GALNT14: variants seen among roughly 807,000 people sequenced by gnomAD.
The protein encoded by GALNT14 is polypeptide N-acetylgalactosaminyltransferase 14, also known as UDP-GalNAc:polypeptide N-acetylgalactosaminyltransferase 14.
GALNT14 carries 60 observed loss-of-function variants against 77.5 expected under a neutral mutation model. The observed-to-expected ratio is 0.77, with a 90% CI of 0.63 to 0.96. The LOEUF (loss-of-function observed/expected upper bound fraction) is 0.96. GALNT14 is among the 40% of genes least tolerant of loss of function. The pLI is 0.00. For missense variants in GALNT14, 710 were observed against 731.0 expected (o/e 0.97, Z 0.33); for synonymous variants, 280 against 281.7 (o/e 0.99, Z 0.06).
chr2:31,052,015 GA>G (rs1440307884), intron 1 of GALNT14, among the ~76,000 whole-genome samples: 2 of 152,084 alleles, frequency 1.3e-5, no homozygotes, highest in African/African-American at 4.8e-5. Flanking sequence ...CCTCAGTGGT[GA>G]CCAAAATGTG....
intron 2 of GALNT14, among the ~76,000 whole-genome samples, chr2:30,990,731 C>A (rs1401828331): frequency 6.6e-6 from 1 of 152,190 alleles, no homozygotes; most frequent in Non-Finnish European, 1.5e-5. Flanking sequence ...CTGACCTTTC[C>A]TTTTCATGCA....
intron 1 of GALNT14, among the ~76,000 whole-genome samples, chr2:31,116,728 G>T: frequency 6.6e-6 from 1 of 152,230 alleles, no homozygotes; most frequent in Non-Finnish European, 1.5e-5. Flanking sequence ...CATATATATA[G>T]AGAGAACTAT....
In GALNT14 at chr2:31,015,149, G is replaced by A. The variant is rs564466671; in HGVS notation, c.130-22142C>T. ...TACTAAAAATACAAAAACGTTAGCT[G>A]GGCATAGTGGTGCACTCCTGTAATC... On this transcript the variant is annotated intron_variant, in intron 1 of 14. Transcript: ENST00000349752. 2.0e-5 allele frequency among the ~76,000 whole-genome samples: 3 copies of A among 152,184 alleles called. No homozygotes were observed. In the South Asian group the frequency reaches 6.2e-4, roughly 32 times the overall value.
intron 1 of GALNT14, among the ~76,000 whole-genome samples, chr2:31,085,328 AATGAGAAGGGCCTCCAGAGAG>A (rs1386505040): frequency 6.6e-6 from 1 of 152,202 alleles, no homozygotes; most frequent in East Asian, 1.9e-4. Flanking sequence ...CTATCAGGAC[AATGAGAAGGGCCTCCAGAGAG>A]AGGGAGGGGC....
In GALNT14 at chr2:31,016,952, A is replaced by G. The variant is rs571323794; in HGVS notation, c.130-23945T>C. Among the ~76,000 whole-genome samples, 4 of 152,192 alleles carry G rather than the reference A, an allele frequency of 2.6e-5. No individual in the cohort carries two copies. The South Asian group carries it at 8.3e-4, about 32-fold the overall frequency. On this transcript the variant is annotated intron_variant, in intron 1 of 14. Coordinates refer to ENST00000349752, the MANE Select transcript of GALNT14 (RefSeq NM_024572.4). ...TTAGCTATCATCCTCACAACATACC[A>G]CGCTCTGTGCTGGACGAACCGTACA...
intron 1 of GALNT14, among the ~76,000 whole-genome samples, chr2:31,108,152 G>T (rs1164321485): frequency 6.6e-6 from 1 of 152,114 alleles, no homozygotes; most frequent in Non-Finnish European, 1.5e-5. Context: ...GTGTAATTCA[G>T]GAAATACCAA....
intron 1 of GALNT14, among the ~76,000 whole-genome samples, chr2:31,011,124 C>T (rs979167637): frequency 1.3e-5 from 2 of 152,204 alleles, no homozygotes; most frequent in African/African-American, 4.8e-5. Context: ...GCAATCTCTC[C>T]TCCAGTTACT....
At chr2:31,017,892 T>A (rs1396309681) in intron 1 of GALNT14, among the ~76,000 whole-genome samples, 2 of 152,240 alleles carry the variant, frequency 1.3e-5, no homozygotes, top group Non-Finnish European at 2.9e-5. Flanking sequence ...ACTAATAGTT[T>A]AATATGTTGT....
downstream of GALNT14, among the ~76,000 whole-genome samples, chr2:30,905,717 A>G (rs1193855647): frequency 8.7e-5 from 13 of 149,924 alleles, no homozygotes; most frequent in Admixed American, 8.6e-4. Flanking sequence ...AGAACGCCAC[A>G]AAGATACTCC....
At chr2:30,896,362 A>C in the GALNT14 span, among the ~76,000 whole-genome samples, 8 of 152,300 alleles carry the variant, frequency 5.3e-5, no homozygotes, top group East Asian at 5.8e-4. Flanking sequence ...TTTTATCTTC[A>C]GTGTGAGAGG....
intron 1 of GALNT14, among the ~76,000 whole-genome samples, chr2:31,008,962 T>C (rs553159815): frequency 6.6e-6 from 1 of 152,230 alleles, no homozygotes; most frequent in African/African-American, 2.4e-5. Context: ...GGCCCTCTGC[T>C]AGACAAGGGC....
intron 8 of GALNT14, 93 bp from the exon 9 acceptor site, chr2:30,942,397 C>G (rs1558426396): frequency 1.1e-6 from 1 of 895,726 alleles, no homozygotes; most frequent in Non-Finnish European, 1.8e-6. Context: ...CACCCATTTC[C>G]CATTTGGGGA....
At chr2:31,012,783 A>C (rs1054308167) in intron 1 of GALNT14, among the ~76,000 whole-genome samples, 13 of 152,198 alleles carry the variant, frequency 8.5e-5, no homozygotes, top group African/African-American at 2.9e-4. Flanking sequence ...AAATCCAAAA[A>C]CAACACCACC....
chr2:31,090,789 G>A (rs1163409637), intron 1 of GALNT14, among the ~76,000 whole-genome samples: 1 of 151,362 alleles, frequency 6.6e-6, no homozygotes, highest in Non-Finnish European at 1.5e-5. Flanking sequence ...TAAAGATGAA[G>A]GGAAGGCAGT....
chr2:30,899,894 C>T, the GALNT14 span, among the ~76,000 whole-genome samples: 2 of 152,270 alleles, frequency 1.3e-5, no homozygotes, highest in South Asian at 2.1e-4. Context: ...CCACGTGGGG[C>T]GTCGCAGAGG....
intron 1 of GALNT14, among the ~76,000 whole-genome samples, chr2:31,075,176 G>C (rs1289435435): frequency 2.0e-5 from 3 of 152,180 alleles, no homozygotes; most frequent in East Asian, 1.9e-4. Flanking sequence ...TGTGAACAGA[G>C]CACGTGAGAT....
intron 1 of GALNT14, among the ~76,000 whole-genome samples, chr2:31,085,295 A>G (rs1488392091): frequency 2.0e-5 from 3 of 152,210 alleles, no homozygotes; most frequent in Admixed American, 2.0e-4. Flanking sequence ...ATTTACTACC[A>G]GGGACATCGG....
chr2:30,998,047 TTAAG>T (rs1429222455), intron 1 of GALNT14, among the ~76,000 whole-genome samples: 1 of 152,086 alleles, frequency 6.6e-6, no homozygotes. Context: ...GAGCAGGAAA[TTAAG>T]TGATTTGTGA....
intron 1 of GALNT14, among the ~76,000 whole-genome samples, chr2:31,061,166 G>A (rs1674567685): frequency 6.6e-6 from 1 of 152,006 alleles, no homozygotes; most frequent in East Asian, 1.9e-4. Context: ...ACCTATAGAT[G>A]CCTCAAACTC....
Sources: gnomAD v4.1 joint callset for allele counts (sites outside exome capture counted in the v4.1 genomes callset) on GRCh38, gnomAD v4.1.1 for gene constraint, MANE v1.5 for transcripts, NCBI Gene and HGNC (gene_info 2026-07-23, HGNC 2026-07-21) for gene names.